The following IQSEC1 variants were observed in gnomAD, a reference collection of about 807,000 sequenced individuals.
IQSEC1 encodes IQ motif and SEC7 domain-containing protein 1.
IQSEC1 carries 31 observed loss-of-function variants against 91.0 expected under a neutral mutation model. The observed-to-expected ratio is 0.34, with a 90% CI of 0.26 to 0.46. The LOEUF (loss-of-function observed/expected upper bound fraction) is 0.46, where lower values mean the gene tolerates loss of function less well. Ranked by LOEUF, IQSEC1 falls within the 20% of genes least tolerant of loss-of-function variation. The pLI is 1.00. For missense variants in IQSEC1, 1,388 were observed against 1,575.6 expected (o/e 0.88, Z 2.02); for synonymous variants, 699 against 662.6 (o/e 1.05, Z -0.84).
rs1218001022 is a variant in IQSEC1, at chr3:13,056,178, G to C, written c.23+16814C>G. Among the ~76,000 whole-genome samples, 5 of 152,298 alleles carry C rather than the reference G, an allele frequency of 3.3e-5. No homozygotes were observed. In the East Asian group the frequency reaches 9.6e-4, roughly 29 times the overall value. On this transcript the variant is annotated intron_variant, in intron 1 of 13. Coordinates refer to ENST00000613206, the MANE Select transcript of IQSEC1 (RefSeq NM_001134382.3). Reference sequence around the variant, plus strand: ...GTCCTGTGGTCCTGAGTCCAGGACTGCTGCCAAGTCCTGTTCATTCTAGGC... The same window carrying C: ...GTCCTGTGGTCCTGAGTCCAGGACTCCTGCCAAGTCCTGTTCATTCTAGGC...
chr3:13,082,045 G>A (rs892744459), intron 2 of IQSEC1, among the ~76,000 whole-genome samples: 1 of 152,216 alleles, frequency 6.6e-6, no homozygotes, highest in African/African-American at 2.4e-5. Flanking sequence ...CTCCATGGGT[G>A]CAGCTCCTTT....
At chr3:13,271,416 A>G (rs1288960267) in intron 1 of IQSEC1, among the ~76,000 whole-genome samples, 1 of 152,052 alleles carries the variant, frequency 6.6e-6, no homozygotes, top group African/African-American at 2.4e-5. Context: ...AACAATAATA[A>G]CCTTTTGTGC....
Position 13,161,399 on chromosome 3 carries a change from T to C in IQSEC1, c.302+2705A>G, listed in dbSNP as rs894138829. 2.6e-4 allele frequency among the ~76,000 whole-genome samples: 39 copies of C among 152,088 alleles called. 1 individual carries two copies. The highest frequency in any genetic ancestry group is 9.2e-4 in the African/African-American group (38 of 41,384). On this transcript the variant is annotated intron_variant, in intron 2 of 15. Coordinates refer to the IQSEC1 transcript ENST00000648114. ...CGCTCAGAGAGAACTGCAGTCAGGA[T>C]CCCAGGTTTGGGGACGCAGACCCCG... is the stretch of plus-strand genomic sequence containing the variant.
chr3:13,124,179 C>T (rs1053933683), intron 2 of IQSEC1, among the ~76,000 whole-genome samples: 1 of 152,170 alleles, frequency 6.6e-6, no homozygotes, highest in African/African-American at 2.4e-5. Flanking sequence ...CTTCCAGGGG[C>T]TGGGGGAGTG....
At chr3:13,201,312 T>G (rs551464522) in intron 1 of IQSEC1, among the ~76,000 whole-genome samples, 1 of 152,268 alleles carries the variant, frequency 6.6e-6, no homozygotes, top group South Asian at 2.1e-4. Context: ...GAGGAGACAT[T>G]GGGAAAGGCT....
intron 1 of IQSEC1, among the ~76,000 whole-genome samples, chr3:13,254,331 A>G (rs1452078718): frequency 6.6e-6 from 1 of 152,226 alleles, no homozygotes; most frequent in Non-Finnish European, 1.5e-5. Flanking sequence ...CAGGCTGGAC[A>G]CGGAGGCCTG....
intron 1 of IQSEC1, among the ~76,000 whole-genome samples, chr3:13,040,013 C>A (rs756992526): frequency 6.6e-6 from 1 of 152,222 alleles, no homozygotes; most frequent in Non-Finnish European, 1.5e-5. Context: ...GGCATTAGCG[C>A]GCAGAGTTGG....
At position 12,899,602 on chromosome 3, in the gene IQSEC1, C is replaced by A. The variant is rs1410708562; in HGVS notation, c.*1381G>T. On this transcript the variant is annotated 3_prime_UTR_variant, in exon 14 of 14. Transcript: ENST00000613206. Reference sequence around the variant, plus strand: ...CATGGGAAGGCAGCGGGGGCTCCGCCGGGCACTCGTCGGCTGGGGTCACAC... The same window carrying A: ...CATGGGAAGGCAGCGGGGGCTCCGCAGGGCACTCGTCGGCTGGGGTCACAC... 1.8e-5 allele frequency: 18 copies of A among 985,264 alleles called. No homozygotes were observed. The highest frequency in any genetic ancestry group is 6.1e-5 in the Admixed American group (1 of 16,266). The allele number at this position is 985,264 out of a possible 1,614,324, so 61.0% of individuals were successfully genotyped here.
At chr3:13,210,495 C>T (rs1694424131) in intron 1 of IQSEC1, among the ~76,000 whole-genome samples, 1 of 152,204 alleles carries the variant, frequency 6.6e-6, no homozygotes, top group Non-Finnish European at 1.5e-5. Flanking sequence ...CCCGCCCCTC[C>T]CCTGGGATAA....
intron 1 of IQSEC1, among the ~76,000 whole-genome samples, chr3:13,186,078 A>G (rs1300358192): frequency 1.3e-5 from 2 of 152,216 alleles, no homozygotes; most frequent in Non-Finnish European, 2.9e-5. Context: ...TCTGCTTAGC[A>G]CCAGTGGGAG....
intron 6 of IQSEC1, 140 bp downstream of exon 6, chr3:12,920,290 C>T (rs1559622664): frequency 1.1e-5 from 9 of 789,398 alleles, no homozygotes; most frequent in Non-Finnish European, 1.9e-5. Context: ...CCCCAAAGGC[C>T]CCTCCATGCC....
intron 1 of IQSEC1, among the ~76,000 whole-genome samples, chr3:13,038,260 G>GTGTA (rs1210413402): frequency 1.6e-5 from 1 of 62,360 alleles, no homozygotes; most frequent in African/African-American, 5.8e-5. Context: ...GTGTGTGTGT[G>GTGTA]TGTATATATA....
chr3:13,181,858 CAT>C (rs1693849657), intron 1 of IQSEC1, among the ~76,000 whole-genome samples: 1 of 152,182 alleles, frequency 6.6e-6, no homozygotes, highest in Non-Finnish European at 1.5e-5. Context: ...TATGTTTAAA[CAT>C]ATTTTATTTA....
In IQSEC1 at chr3:12,924,429, G is replaced by T; in HGVS notation, c.1730+152C>A. ...GGGCAGATGTGGGGCATCTGCATGT[G>T]TGTGTCTAGGACTTAGGAAGAGAGA... On this transcript the variant is annotated intron_variant, in intron 4 of 13. Coordinates refer to ENST00000613206, the MANE Select transcript of IQSEC1 (RefSeq NM_001134382.3). This position sits in a 1 kb window ranked among gnomAD's most constrained non-coding sequence, Gnocchi z 6.3. 1 of 712,668 alleles carries T rather than the reference G, an allele frequency of 1.4e-6. No homozygotes were observed. The allele number at this position is 712,668 out of a possible 1,614,324, so 44.1% of individuals were successfully genotyped here.
intron 1 of IQSEC1, among the ~76,000 whole-genome samples, chr3:13,186,993 C>T (rs544384971): frequency 3.9e-5 from 6 of 152,140 alleles, no homozygotes; most frequent in East Asian, 1.9e-4. Flanking sequence ...TCCTTCCTGC[C>T]GCCTTTTCTT....
At chr3:13,108,904 G>T (rs927910600) in intron 2 of IQSEC1, among the ~76,000 whole-genome samples, 36 of 152,240 alleles carry the variant, frequency 2.4e-4, no homozygotes, top group African/African-American at 8.7e-4. Context: ...CATGGCCCCC[G>T]AGTGAAACGT....
Position 12,935,751 on chromosome 3 carries a change from T to C in IQSEC1, c.1265A>G (p.Glu422Gly). 3.1e-6 allele frequency: 5 copies of C among 1,609,210 alleles called. No individual in the cohort carries two copies. Among genetic ancestry groups the C allele is most frequent in the Non-Finnish European group, 1.7e-6 (2 of 1,179,580 alleles). ...APKSLPREEP[E>G]LRPRPPRPLD... Reference sequence around the variant, plus strand: ...GGGCCTGGGGGGCCGGGGCCGCAACTCAGGCTCCTCCCGGGGGAGGCTCTT... The same window carrying C: ...GGGCCTGGGGGGCCGGGGCCGCAACCCAGGCTCCTCCCGGGGGAGGCTCTT... The change falls in exon 3 of 14, where the codon GAG (glutamate) becomes GGG (glycine). Residue 422 changes from glutamate (E) to glycine (G), a missense_variant. Physicochemically the swap from Glu to Gly is moderately conservative, Grantham distance 98. Around this residue, in one of 2 missense-constraint regions of IQSEC1, gnomAD observed 1,059 missense variants for 1,317.8 expected, o/e 0.80. Transcript: ENST00000613206. The surrounding 1 kb of genome is among the most constrained non-coding windows in gnomAD (Gnocchi z 8.0).
intron 1 of IQSEC1, among the ~76,000 whole-genome samples, chr3:12,947,163 C>A (rs543123169): frequency 6.6e-6 from 1 of 152,360 alleles, no homozygotes; most frequent in Admixed American, 6.5e-5. Flanking sequence ...AAGCCTCTGA[C>A]AGGCTGACAA....
At chr3:12,957,867 G>A (rs768386922) in intron 1 of IQSEC1, among the ~76,000 whole-genome samples, 13 of 152,234 alleles carry the variant, frequency 8.5e-5, no homozygotes, top group Non-Finnish European at 1.6e-4. Context: ...GAACTACGGT[G>A]ACACATCATC....
Sources: gnomAD v4.1 joint callset for allele counts (sites outside exome capture counted in the v4.1 genomes callset) on GRCh38, gnomAD v4.1.1 for gene constraint, gnomAD v4.1.1 regional missense constraint, Gnocchi (gnomAD v3.1) non-coding constraint, MANE v1.5 for transcripts, NCBI Gene and HGNC (gene_info 2026-07-23, HGNC 2026-07-21) for gene names.